The following SCAPER variants were observed in gnomAD, a reference collection of about 807,000 sequenced individuals.
SCAPER encodes the protein S phase cyclin A-associated protein in the endoplasmic reticulum.
In SCAPER, 98 loss-of-function variants were observed where a neutral mutation model predicts 182.2. The ratio of observed to expected loss-of-function variants is 0.54; its 90% CI spans 0.46 to 0.64. The LOEUF is 0.64. Ranked by LOEUF, SCAPER falls within the 30% of genes least tolerant of loss-of-function variation. The pLI is 0.00. For synonymous variants in SCAPER, 605 were observed against 564.6 expected, an observed-to-expected ratio of 1.07 and a Z score of -1.01; for missense variants, 1,432 against 1,690.0, an observed-to-expected ratio of 0.85 and a Z score of 2.68.
intron 15 of SCAPER, among the ~76,000 whole-genome samples, chr15:76,746,892 G>A (rs887339065): frequency 6.6e-6 from 1 of 152,164 alleles, no homozygotes; most frequent in Admixed American, 6.5e-5. Context: ...GAAATTCCAC[G>A]TTCATAAATG....
intron 24 of SCAPER, among the ~76,000 whole-genome samples, chr15:76,490,269 C>A (rs1178879091): frequency 6.6e-6 from 1 of 152,118 alleles, no homozygotes; most frequent in African/African-American, 2.4e-5. Context: ...GAAGAGTGTA[C>A]AAGGGTCCCA....
Position 76,705,968 on chromosome 15 carries a change from A to G in SCAPER, c.2182T>C (p.Leu728=). The G allele has an allele frequency of 1.3e-6, 2 of 1,557,972 alleles. No individual in the cohort carries two copies. The highest frequency in any genetic ancestry group is 1.2e-5 in the South Asian group (1 of 84,526). ...TGTTGAGCAGCTGTGAGTGCTGCCA[A>G]TCGTTCTTCCCTGTCTCTGTAAGAA... ...RERARDREER[L]AALTAAQQEA... Residue 728 remains leucine, a synonymous_variant, in exon 18 of 32, where the codon TTG becomes CTG. Coordinates refer to ENST00000563290, the MANE Select transcript of SCAPER (RefSeq NM_020843.4).
chr15:76,404,083 G>A (rs1003420101), intron 27 of SCAPER, among the ~76,000 whole-genome samples: 2 of 152,136 alleles, frequency 1.3e-5, no homozygotes, highest in Admixed American at 1.3e-4. Context: ...CTGGAAGAAG[G>A]GACAGAGGGA....
At chr15:76,381,936 T>G (rs2938692) in intron 27 of SCAPER, among the ~76,000 whole-genome samples, 147,876 of 152,202 alleles carry the variant, frequency 0.97, 71,973 homozygotes, top group East Asian at 1. Context: ...TGGGCAAAGT[T>G]GACAGAGTCT....
At chr15:76,405,152 T>C (rs1304281988) in intron 26 of SCAPER, among the ~76,000 whole-genome samples, 7 of 148,616 alleles carry the variant, frequency 4.7e-5, no homozygotes, top group Admixed American at 4.1e-4. Flanking sequence ...TCTCACTCTG[T>C]CACCTGGCTG....
At position 76,765,006 on chromosome 15, in the gene SCAPER, CT is replaced by C; in HGVS notation, c.1679del (p.Lys560SerfsTer8). The C allele has an allele frequency of 1.9e-6, 3 of 1,603,742 alleles. No homozygotes were observed. Among genetic ancestry groups the C allele is most frequent in the Non-Finnish European group, 8.5e-7 (1 of 1,175,410 alleles). The stretch of plus-strand genomic sequence containing the variant: ...GCTTCAATGTTTTCTCTTCGCGTAA[CT>C]TTTCCCTTAGCTGCTGTGCTTTCAT... ...KQMKAQQLRE[K>X]LREEKTLKLQ... On this transcript the variant is annotated frameshift_variant, in exon 14 of 32. Transcript: ENST00000563290. LOFTEE classifies it high-confidence loss of function.
chr15:76,553,587 G>A (rs917017710), intron 23 of SCAPER, among the ~76,000 whole-genome samples: 5 of 152,034 alleles, frequency 3.3e-5, no homozygotes, highest in African/African-American at 1.2e-4. Flanking sequence ...GAATACTGGG[G>A]CCAGGAGACT....
At chr15:76,881,645 T>C (rs1481587145) in intron 2 of SCAPER, among the ~76,000 whole-genome samples, 1 of 152,184 alleles carries the variant, frequency 6.6e-6, no homozygotes, top group Non-Finnish European at 1.5e-5. Flanking sequence ...AGACAAATAC[T>C]GGATGATTTC....
At chr15:76,737,520 G>A (rs2061334692) in intron 15 of SCAPER, among the ~76,000 whole-genome samples, 1 of 152,220 alleles carries the variant, frequency 6.6e-6, no homozygotes, top group Admixed American at 6.5e-5. Context: ...TTCTTAAAGG[G>A]CCTAGAATTT....
chr15:76,691,505 AAT>A (rs1174740358), intron 20 of SCAPER, among the ~76,000 whole-genome samples: 1 of 152,154 alleles, frequency 6.6e-6, no homozygotes, highest in Non-Finnish European at 1.5e-5. Context: ...AAAATAGAGA[AAT>A]ATGGCAATTT....
At position 76,640,522 on chromosome 15, in the gene SCAPER, G is replaced by T. The variant is rs193071165; in HGVS notation, c.2646-18693C>A. On this transcript the variant is annotated intron_variant, in intron 21 of 31. Coordinates refer to ENST00000563290, the MANE Select transcript of SCAPER (RefSeq NM_020843.4). ...AAGTTTTAGATGGTATCTCTAAGGG[G>T]TTATCTAATCTCAACCCCATTCAAT... Among the ~76,000 whole-genome samples, 12 of 152,252 alleles carry T rather than the reference G, an allele frequency of 7.9e-5. No homozygotes were observed. In the East Asian group the frequency reaches 1.4e-3, roughly 17 times the overall value.
intron 26 of SCAPER, among the ~76,000 whole-genome samples, chr15:76,428,924 T>C (rs973098809): frequency 7.8e-6 from 1 of 127,682 alleles, no homozygotes; most frequent in Non-Finnish European, 1.6e-5. Flanking sequence ...TAAGTTTGTA[T>C]AGTTACTGAT....
rs571909013 is a variant in SCAPER at position 76,556,046 on chromosome 15, G to T, written c.2838+18112C>A. 2.6e-5 allele frequency among the ~76,000 whole-genome samples: 4 copies of T among 152,234 alleles called. No individual in the cohort carries two copies. The South Asian group carries it at 8.3e-4, about 32-fold the overall frequency. ...ATACTGACCATACTCTCAGACCACAGTGCAATAAAGAGAAATGAATACTAG... is the reference window on the plus strand; with the variant it reads ...ATACTGACCATACTCTCAGACCACATTGCAATAAAGAGAAATGAATACTAG... On this transcript the variant is annotated intron_variant, in intron 23 of 31. Coordinates refer to ENST00000563290, the MANE Select transcript of SCAPER (RefSeq NM_020843.4).
chr15:76,516,286 A>G (rs157787), intron 23 of SCAPER, among the ~76,000 whole-genome samples: 147,481 of 151,856 alleles, frequency 0.97, 71,749 homozygotes, highest in South Asian at 1. Context: ...TGGTATACAC[A>G]TGCCATGGTA....
At chr15:76,609,726 G>A (rs1274669247) in intron 22 of SCAPER, among the ~76,000 whole-genome samples, 1 of 152,190 alleles carries the variant, frequency 6.6e-6, no homozygotes, top group African/African-American at 2.4e-5. Context: ...TGGACATGAT[G>A]TACTAGGTAA....
chr15:76,729,707 A>G (rs2060806541), intron 16 of SCAPER, among the ~76,000 whole-genome samples: 1 of 152,140 alleles, frequency 6.6e-6, no homozygotes, highest in Admixed American at 6.6e-5. Context: ...TGTATTTCTT[A>G]GGATATTATA....
At chr15:76,360,421 A>G (rs2041319791) in intron 29 of SCAPER, among the ~76,000 whole-genome samples, 1 of 152,222 alleles carries the variant, frequency 6.6e-6, no homozygotes, top group Admixed American at 6.5e-5. Flanking sequence ...CCAGCTCGTC[A>G]TTGGTAGAGC....
rs759078599 is a variant in SCAPER, at chr15:76,348,661, T to C, written c.4175A>G (p.Gln1392Arg). The change falls in exon 32 of 32, where the codon CAG becomes CGG. Residue 1392 changes from glutamine (Q) to arginine (R), a missense_variant. Coordinates refer to ENST00000563290, the MANE Select transcript of SCAPER (RefSeq NM_020843.4). Reference sequence around the variant, plus strand: ...TTTTTTCTCTTTTTTCAAGAAAAACTGTCGAGCTTCTTCCCAGGCCTGCTG... The same window carrying C: ...TTTTTTCTCTTTTTTCAAGAAAAACCGTCGAGCTTCTTCCCAGGCCTGCTG... ...FPQQAWEEAR[Q>R]FFLKKEKK is the part of the protein sequence containing the mutation. The C allele has an allele frequency of 4.5e-6, 7 of 1,552,080 alleles. No homozygotes were observed. The South Asian group carries it at 7.2e-5, about 16-fold the overall frequency.
Position 76,775,013 on chromosome 15 carries a change from T to G in SCAPER, c.877A>C (p.Arg293=), listed in dbSNP as rs1178914101. 1 of 1,613,876 alleles carries G rather than the reference T, an allele frequency of 6.2e-7. No homozygotes were observed. Among genetic ancestry groups the G allele is most frequent in the East Asian group, 2.2e-5 (1 of 44,874 alleles). Residue 293 remains arginine (R), a synonymous_variant, in exon 9 of 32, where the codon AGA becomes CGA. Transcript: ENST00000563290. ...TCTTTATCACTGTCATCCTTTGATC[T>G]TGTGGCTTCTGTTGCCAATGAAACT... ...PKVSLATEAT[R]SKDDSDKENV...
Sources: allele counts gnomAD v4.1 joint callset (sites outside exome capture counted in the v4.1 genomes callset), GRCh38; gene constraint gnomAD v4.1.1; transcripts MANE v1.5; gene names NCBI Gene and HGNC (gene_info 2026-07-23, HGNC 2026-07-21).